Variants in RPS6KA3 observed in about 807,000 individuals in gnomAD.
RPS6KA3 encodes the protein ribosomal protein S6 kinase A3, also known as ribosomal protein S6 kinase alpha-3.
Under a neutral mutation model 67.2 loss-of-function variants are expected in RPS6KA3, and 4 were observed. That is an observed-to-expected ratio of 0.06 (90% confidence interval 0.03 to 0.14). RPS6KA3 has a LOEUF of 0.14. RPS6KA3 is among the 10% of genes least tolerant of loss of function. RPS6KA3 has a pLI of 1.00. For synonymous variants in RPS6KA3, 182 were observed against 183.7 expected, an observed-to-expected ratio of 0.99 and a Z score of 0.07; for missense variants, 204 against 559.0, an observed-to-expected ratio of 0.36 and a Z score of 6.40.
intron 2 of RPS6KA3, among the ~76,000 whole-genome samples, chrX:20,220,852 T>C (rs193283132): frequency 2.7e-5 from 3 of 111,948 alleles, no homozygotes; most frequent in Non-Finnish European, 5.6e-5. Context: ...AATGTGGCAC[T>C]GTACATCAGA....
intron 2 of RPS6KA3, among the ~76,000 whole-genome samples, chrX:20,225,254 T>G (rs867973787): frequency 1.6e-4 from 13 of 79,253 alleles, no homozygotes; most frequent in African/African-American, 6.1e-4. Flanking sequence ...TTTTTTTTTT[T>G]GTTTTTTTTT....
At chrX:20,156,841 A>G (rs1233206483) in intron 20 of RPS6KA3, among the ~76,000 whole-genome samples, 1 of 110,906 alleles carries the variant, frequency 9.0e-6, no homozygotes, top group African/African-American at 3.3e-5. Context: ...TGGCCAGTTT[A>G]TTTTTAAGTA....
At chrX:20,199,997 C>T (rs776181523) in intron 4 of RPS6KA3, among the ~76,000 whole-genome samples, 7 of 112,381 alleles carry the variant, frequency 6.2e-5, no homozygotes, top group South Asian at 3.7e-4. Flanking sequence ...TATCCATTTA[C>T]TCATTCTGAG....
intron 1 of RPS6KA3, among the ~76,000 whole-genome samples, chrX:20,240,889 T>C (rs1354964436): frequency 3.6e-5 from 4 of 111,379 alleles, no homozygotes; most frequent in Admixed American, 9.5e-5. Context: ...CATGTGTGCA[T>C]GTAGCTGGCA....
chrX:20,185,049 G>A (rs2067944796), intron 10 of RPS6KA3, among the ~76,000 whole-genome samples: 1 of 111,121 alleles, frequency 9.0e-6, no homozygotes, highest in Non-Finnish European at 1.9e-5. Context: ...GGGTTCAAGT[G>A]ATTCTCCTGC....
At chrX:20,212,796 C>T (rs191286441) in intron 2 of RPS6KA3, among the ~76,000 whole-genome samples, 6 of 111,316 alleles carry the variant, frequency 5.4e-5, no homozygotes, top group Admixed American at 2.9e-4. Context: ...AACCACATAC[C>T]GAAACACTTA....
At chrX:20,169,626 A>G in intron 15 of RPS6KA3, 135 bp from the exon 16 acceptor site, 1 of 539,597 alleles carries the variant, frequency 1.9e-6, no homozygotes, top group Non-Finnish European at 3.4e-6. Flanking sequence ...AGTTTTATTC[A>G]ACTACCTGGC....
intron 4 of RPS6KA3, among the ~76,000 whole-genome samples, chrX:20,199,828 T>G (rs2068376756): frequency 8.9e-6 from 1 of 112,178 alleles, no homozygotes; most frequent in Non-Finnish European, 1.9e-5. Flanking sequence ...ACTTCATCAC[T>G]GTAACACAGG....
At chrX:20,191,829 C>A (rs111311470) in intron 7 of RPS6KA3, among the ~76,000 whole-genome samples, 1 of 110,546 alleles carries the variant, frequency 9.0e-6, no homozygotes, top group African/African-American at 3.3e-5. Context: ...TGCAATGGCG[C>A]GATCTCAGCT....
intron 14 of RPS6KA3, 37 bp from the exon 15 acceptor site, chrX:20,172,908 T>C: frequency 8.6e-7 from 1 of 1,157,901 alleles, no homozygotes; most frequent in South Asian, 1.8e-5. Flanking sequence ...AGTCCCATAA[T>C]GCCTTTAGTG....
At chrX:20,177,828 T>C (rs775533339) in intron 10 of RPS6KA3, among the ~76,000 whole-genome samples, 154 of 112,331 alleles carry the variant, frequency 1.4e-3, no homozygotes, top group Non-Finnish European at 2.4e-3. Flanking sequence ...TCTATTCCCT[T>C]TAACAGCCCC....
chrX:20,178,823 T>C (rs1035553605), intron 10 of RPS6KA3, among the ~76,000 whole-genome samples: 4 of 109,590 alleles, frequency 3.6e-5, no homozygotes, highest in Non-Finnish European at 7.6e-5. Flanking sequence ...CCTATTAATA[T>C]CTTGTAGAAT....
intron 1 of RPS6KA3, among the ~76,000 whole-genome samples, chrX:20,254,236 A>C (rs933515364): frequency 8.9e-6 from 1 of 112,251 alleles, no homozygotes; most frequent in Non-Finnish European, 1.9e-5. Flanking sequence ...TTCTAGGCAT[A>C]TTATCTTCCT....
intron 20 of RPS6KA3, among the ~76,000 whole-genome samples, chrX:20,156,627 C>T (rs1603417555): frequency 9.0e-6 from 1 of 110,850 alleles, no homozygotes; most frequent in African/African-American, 3.3e-5. Flanking sequence ...CCTCTGTCTC[C>T]TGGCCTCAAG....
intron 4 of RPS6KA3, among the ~76,000 whole-genome samples, chrX:20,202,278 C>T (rs974122668): frequency 9.0e-6 from 1 of 110,593 alleles, no homozygotes; most frequent in African/African-American, 3.3e-5. Context: ...CCACTGTGCC[C>T]GGCTGAGCTC....
intron 4 of RPS6KA3, among the ~76,000 whole-genome samples, chrX:20,196,996 T>C (rs2068291182): frequency 8.9e-6 from 1 of 111,750 alleles, no homozygotes; most frequent in African/African-American, 3.3e-5. Context: ...TGTGCTACCA[T>C]ACCTGGCTAA....
At chrX:20,169,590 G>C (rs781096444) in intron 15 of RPS6KA3, 99 bp from the exon 16 acceptor site, 4 of 570,122 alleles carry the variant, frequency 7.0e-6, no homozygotes, top group Non-Finnish European at 1.3e-5. Flanking sequence ...CATGTAAATA[G>C]TGTATAAATA....
At chrX:20,199,974 AC>A (rs1233944589) in intron 4 of RPS6KA3, among the ~76,000 whole-genome samples, 2 of 112,612 alleles carry the variant, frequency 1.8e-5, no homozygotes, top group Admixed American at 9.4e-5. Context: ...ATGGAGGGTC[AC>A]AAAAAATTTA....
intron 2 of RPS6KA3, among the ~76,000 whole-genome samples, chrX:20,222,708 T>C (rs1299830621): frequency 9.0e-6 from 1 of 111,576 alleles, no homozygotes; most frequent in Admixed American, 9.5e-5. Context: ...CATATATCAT[T>C]ATGGTTTAGG....
Sources: gnomAD v4.1 joint callset for allele counts (sites outside exome capture counted in the v4.1 genomes callset) on GRCh38, gnomAD v4.1.1 for gene constraint, MANE v1.5 for transcripts, NCBI Gene and HGNC (gene_info 2026-07-23, HGNC 2026-07-21) for gene names.